Variants in SEMA3E observed in about 807,000 individuals in gnomAD.
SEMA3E encodes semaphorin-3E.
A neutral mutation model predicts 93.6 loss-of-function variants in SEMA3E; 49 were observed. The observed-to-expected ratio is 0.52, with a 90% confidence interval of 0.42 to 0.66. The LOEUF is 0.66. Ranked by LOEUF, SEMA3E falls within the 30% of genes least tolerant of loss-of-function variation. The probability of loss-of-function intolerance (pLI) is 0.00; values close to 1 mark genes in which losing one functional copy is unlikely to be tolerated. For synonymous variants in SEMA3E, 363 were observed against 330.7 expected (o/e 1.10, Z -1.06); for missense variants, 906 against 964.8 (o/e 0.94, Z 0.81).
rs879777297 is a variant in SEMA3E at position 83,458,986 on chromosome 7, T to TATAC, written c.456+7495_456+7496insGTAT. On this transcript the variant is annotated intron_variant, in intron 4 of 16. Coordinates refer to ENST00000643230, the MANE Select transcript of SEMA3E (RefSeq NM_012431.3). ...GTGTGTGTGTGTGTATATATATATA[T>TATAC]ACACACACTGAAGGAAAGGAGTGGG... 5.9e-3 allele frequency among the ~76,000 whole-genome samples: 855 copies of TATAC among 144,288 alleles called. 30 individuals carry two copies. Among genetic ancestry groups the TATAC allele is most frequent in the Admixed American group, 0.04 (565 of 14,120 alleles). 94.7% of individuals were successfully genotyped at this position (144,288 alleles called of 152,430 possible).
chr7:83,437,964 T>G (rs569398934), intron 4 of SEMA3E, among the ~76,000 whole-genome samples: 163 of 152,254 alleles, frequency 1.1e-3, no homozygotes, highest in Middle Eastern at 6.8e-3. Flanking sequence ...TAAACAAGCA[T>G]AAGAATATAA....
At chr7:83,479,651 A>T (rs1001722074) in intron 2 of SEMA3E, among the ~76,000 whole-genome samples, 2 of 152,186 alleles carry the variant, frequency 1.3e-5, no homozygotes, top group East Asian at 3.9e-4. Flanking sequence ...AAAAGCTAAG[A>T]GAAAGATACT....
At chr7:83,480,349 A>G (rs1438114749) in intron 2 of SEMA3E, among the ~76,000 whole-genome samples, 1 of 151,942 alleles carries the variant, frequency 6.6e-6, no homozygotes, top group East Asian at 1.9e-4. Context: ...AATCAATTGA[A>G]CCCTAGAGGC....
chr7:83,578,282 A>G (rs1441024490), intron 1 of SEMA3E, among the ~76,000 whole-genome samples: 1 of 152,076 alleles, frequency 6.6e-6, no homozygotes, highest in Non-Finnish European at 1.5e-5. Flanking sequence ...ATACTATTGT[A>G]GTTAATAAAA....
intron 5 of SEMA3E, among the ~76,000 whole-genome samples, chr7:83,413,064 TAA>T (rs1788473253): frequency 1.3e-5 from 2 of 152,162 alleles, no homozygotes; most frequent in African/African-American, 4.8e-5. Context: ...TTGAAATAGA[TAA>T]AAACACATTC....
intron 1 of SEMA3E, among the ~76,000 whole-genome samples, chr7:83,554,425 C>A (rs1303724874): frequency 6.6e-6 from 1 of 152,092 alleles, no homozygotes; most frequent in Non-Finnish European, 1.5e-5. Flanking sequence ...GGTAAAGATA[C>A]GTGCACGCAA....
intron 1 of SEMA3E, among the ~76,000 whole-genome samples, chr7:83,551,254 T>C (rs924529021): frequency 1.3e-5 from 2 of 152,112 alleles, no homozygotes; most frequent in East Asian, 1.9e-4. Context: ...GAAAGAAAAG[T>C]GGCTTTATGG....
chr7:83,387,712 C>A (rs749843405), intron 14 of SEMA3E, among the ~76,000 whole-genome samples: 1 of 150,288 alleles, frequency 6.7e-6, no homozygotes, highest in Non-Finnish European at 1.5e-5. Context: ...CAATCTGCCT[C>A]GTATAATTAG....
rs745373446 is a variant in SEMA3E, at chr7:83,490,186, C to A, written c.204G>T (p.Glu68Asp). 1 of 1,613,152 alleles carries A rather than the reference C, an allele frequency of 6.2e-7. No individual in the cohort carries two copies. Among genetic ancestry groups the A allele is most frequent in the Non-Finnish European group, 8.5e-7 (1 of 1,179,466 alleles). Reference sequence around the variant, plus strand: ...GGTCCCTGCCTCCCACGAAGAGCCTCTCTTGATATTCATCCAGCAGCATTG... The same window carrying A: ...GGTCCCTGCCTCCCACGAAGAGCCTATCTTGATATTCATCCAGCAGCATTG... ...LHTMLLDEYQ[E>D]RLFVGGRDLV... The change falls in exon 2 of 17, where the codon GAG becomes GAT. Residue 68 changes from glutamate (E) to aspartate (D), a missense_variant. By Grantham distance (45) the Glu-to-Asp change is conservative (BLOSUM62 2). Coordinates refer to ENST00000643230, the MANE Select transcript of SEMA3E (RefSeq NM_012431.3).
In SEMA3E at chr7:83,390,058, TGCACATATATGCGC is replaced by T. The variant is rs1562758480; in HGVS notation, c.1667+2483_1667+2496del. Among the ~76,000 whole-genome samples the T allele has an allele frequency of 1.0e-3, 140 of 140,422 alleles. 2 individuals carry two copies. Among genetic ancestry groups the T allele is most frequent in the African/African-American group, 3.5e-3 (139 of 39,194 alleles). 92.1% of individuals were successfully genotyped at this position (140,422 alleles called of 152,430 possible). ...ATACACATATATGCGCGTATACGTG[TGCACATATATGCGC>T]GTATACGTGTGCACATATATGCGCG... On this transcript the variant is annotated intron_variant, in intron 14 of 16. Coordinates refer to ENST00000643230, the MANE Select transcript of SEMA3E (RefSeq NM_012431.3).
At chr7:83,616,006 A>C in intron 1 of SEMA3E, among the ~76,000 whole-genome samples, 1 of 147,544 alleles carries the variant, frequency 6.8e-6, no homozygotes, top group Non-Finnish European at 1.5e-5. Flanking sequence ...AAAAAAAAAA[A>C]CATTGGTAAA....
At chr7:83,374,929 G>A (rs1408466249) in intron 16 of SEMA3E, among the ~76,000 whole-genome samples, 1 of 150,686 alleles carries the variant, frequency 6.6e-6, no homozygotes, top group Non-Finnish European at 1.5e-5. Context: ...CATCTGAAGT[G>A]AAAAAAAACA....
intron 4 of SEMA3E, chr7:83,462,110 C>G (rs956385710): frequency 2.6e-5 from 4 of 152,262 alleles, no homozygotes; most frequent in African/African-American, 7.2e-5. Flanking sequence ...CTTCCCAGAT[C>G]TTCTCGGCTT....
intron 2 of SEMA3E, among the ~76,000 whole-genome samples, chr7:83,486,178 G>A (rs1305412335): frequency 6.6e-6 from 1 of 152,044 alleles, no homozygotes; most frequent in Non-Finnish European, 1.5e-5. Flanking sequence ...TCATATGTTT[G>A]TCTTCATTTA....
In SEMA3E at chr7:83,412,860, G is replaced by T. The variant is rs149783975; in HGVS notation, c.551-4373C>A. Among the ~76,000 whole-genome samples the T allele has an allele frequency of 5.5e-3, 828 of 151,586 alleles. 8 individuals carry two copies. The highest frequency in any genetic ancestry group is 0.019 in the African/African-American group (788 of 41,196). On this transcript the variant is annotated intron_variant, in intron 5 of 16. Transcript: ENST00000643230. ...AAAGAAAAGGCTATTGGGAATTTAC[G>T]TGGATAACAAATTTGAATTTTTGTT...
At chr7:83,595,292 G>A (rs1000794323) in intron 1 of SEMA3E, among the ~76,000 whole-genome samples, 3 of 151,832 alleles carry the variant, frequency 2.0e-5, no homozygotes, top group Non-Finnish European at 4.4e-5. Context: ...ATATAAAATG[G>A]CTTCTCTTTT....
intron 1 of SEMA3E, among the ~76,000 whole-genome samples, chr7:83,555,944 T>A (rs1441490462): frequency 1.3e-5 from 2 of 152,170 alleles, no homozygotes; most frequent in African/African-American, 4.8e-5. Flanking sequence ...TCTGACAACC[T>A]CTTTTTCAAA....
At chr7:83,619,869 G>A (rs1793510021) in intron 1 of SEMA3E, among the ~76,000 whole-genome samples, 1 of 149,350 alleles carries the variant, frequency 6.7e-6, no homozygotes, top group Non-Finnish European at 1.5e-5. Flanking sequence ...CCTGTGGACA[G>A]AGATAGATAG....
chr7:83,551,512 A>G (rs1791764411), intron 1 of SEMA3E, among the ~76,000 whole-genome samples: 1 of 152,194 alleles, frequency 6.6e-6, no homozygotes, highest in South Asian at 2.1e-4. Flanking sequence ...TACCCCTTGA[A>G]AGGAATGAGG....
Sources: gnomAD v4.1 joint callset for allele counts (sites outside exome capture counted in the v4.1 genomes callset) on GRCh38, gnomAD v4.1.1 for gene constraint, MANE v1.5 for transcripts, NCBI Gene and HGNC (gene_info 2026-07-23, HGNC 2026-07-21) for gene names.